The following PSMG4 variants were observed in gnomAD, a reference collection of about 807,000 sequenced individuals.
PSMG4 encodes the protein proteasome (prosome, macropain) assembly chaperone 4.
Under a neutral mutation model 11.0 loss-of-function variants are expected in PSMG4, and 10 were observed. The observed-to-expected ratio is 0.91, with a 90% CI of 0.56 to 1.54. The LOEUF (loss-of-function observed/expected upper bound fraction) is 1.54, where lower values mean the gene tolerates loss of function less well. PSMG4 is among the 40% of genes most tolerant of loss of function. PSMG4 has a pLI of 0.00. For missense variants in PSMG4, 198 were observed against 160.9 expected (o/e 1.23, Z -1.25); for synonymous variants, 95 against 71.3 (o/e 1.33, Z -1.68).
rs565531956 is a variant in PSMG4, at chr6:3,261,382, C to G, written c.174+2186C>G. Among the ~76,000 whole-genome samples the G allele has an allele frequency of 2.6e-5, 4 of 152,168 alleles. No homozygotes were observed. The South Asian group carries it at 8.3e-4, about 32-fold the overall frequency. ...TCTCTTTATCCCAAGGCATAGTGGGCAGGGCTTTGGGCACTGGTCAGATCT... is the reference window on the plus strand; with the variant it reads ...TCTCTTTATCCCAAGGCATAGTGGGGAGGGCTTTGGGCACTGGTCAGATCT... On this transcript the variant is annotated intron_variant, in intron 1 of 2. Transcript: ENST00000438998.
At position 3,267,782 on chromosome 6, in the gene PSMG4, G is replaced by C; in HGVS notation, c.*70G>C. 1.4e-6 allele frequency: 2 copies of C among 1,475,290 alleles called. No individual in the cohort carries two copies. Among genetic ancestry groups the C allele is most frequent in the Admixed American group, 4.2e-5 (2 of 48,062 alleles). The allele number at this position is 1,475,290 out of a possible 1,614,324, so 91.4% of individuals were successfully genotyped here. ...GTGTAAATAAATGGATTGAATTTCA[G>C]TTTGTCATCAGGCCGCGCTCCCGTT... On this transcript the variant is annotated 3_prime_UTR_variant, in exon 3 of 3. Coordinates refer to ENST00000438998, the MANE Select transcript of PSMG4 (RefSeq NM_001128591.2).
chr6:3,265,813 C>T (rs967315695), intron 2 of PSMG4: 2 of 152,216 alleles, frequency 1.3e-5, no homozygotes, highest in African/African-American at 2.4e-5. Context: ...CGGGGGCACA[C>T]TGCACCCAGC....
intron 1 of PSMG4, 134 bp downstream of exon 1, chr6:3,259,330 TG>T: frequency 1.2e-6 from 1 of 857,130 alleles, no homozygotes; most frequent in Non-Finnish European, 1.5e-6. Flanking sequence ...ACCCGTGGGA[TG>T]TCTTAGGAAG....
chr6:3,267,709 C>A lies in PSMG4; in HGVS notation c.369C>A (p.Phe123Leu), dbSNP rs571551333. ...AGATGGAGGCTTTCCCCGAAAAGTT[C>A]TAGCTGAGTGGCAGAAGTGAGAATT... ...KEEMEAFPEK[F>L] is the part of the protein sequence containing the mutation. The change falls in exon 3 of 3, where the codon TTC (phenylalanine) becomes TTA (leucine). Residue 123 changes from phenylalanine (F) to leucine (L), a missense_variant. By Grantham distance (22) the Phe-to-Leu change is conservative (BLOSUM62 0). Coordinates refer to ENST00000438998, the MANE Select transcript of PSMG4 (RefSeq NM_001128591.2). 1.9e-6 allele frequency: 3 copies of A among 1,551,940 alleles called. No individual in the cohort carries two copies. The highest frequency in any genetic ancestry group is 1.4e-5 in the African/African-American group (1 of 73,158).
At chr6:3,254,450 G>GT (rs1561835615), upstream of PSMG4, among the ~76,000 whole-genome samples, 83 of 67,996 alleles carry the variant, frequency 1.2e-3, no homozygotes, top group African/African-American at 2.5e-3. Flanking sequence ...ATAGTTTTCT[G>GT]CTTTTTTTGT....
intron 1 of PSMG4, 109 bp downstream of exon 1, chr6:3,259,305 A>C: frequency 3.9e-6 from 4 of 1,022,496 alleles, no homozygotes; most frequent in Non-Finnish European, 5.0e-6. Flanking sequence ...AGGGCGCCCT[A>C]CTCCCCCGAA....
At chr6:3,257,634 C>G (rs554983665), upstream of PSMG4, among the ~76,000 whole-genome samples, 3 of 152,202 alleles carry the variant, frequency 2.0e-5, no homozygotes, top group East Asian at 5.8e-4. Flanking sequence ...AGGAAAGAAG[C>G]TGGACAAAAA....
At chr6:3,260,350 G>A (rs990633810) in intron 1 of PSMG4, among the ~76,000 whole-genome samples, 11 of 142,672 alleles carry the variant, frequency 7.7e-5, no homozygotes, top group Admixed American at 5.1e-4. Flanking sequence ...GGAGTGCAAT[G>A]GCGTGATCTT....
At position 3,258,947 on chromosome 6, in the gene PSMG4, G is replaced by T. The variant is rs1757855056; in HGVS notation, c.-76G>T. On this transcript the variant is annotated 5_prime_UTR_variant, in exon 1 of 3. Transcript: ENST00000438998. ...AAGCGCGCTCGGTCTCTCGGTGCTC[G>T]CTCCATCGGGTCTGGCGGGGCTGGC... The T allele has an allele frequency of 2.5e-6, 3 of 1,208,818 alleles. No homozygotes were observed. Among genetic ancestry groups the T allele is most frequent in the Non-Finnish European group, 2.1e-6 (2 of 965,448 alleles). 74.9% of individuals were successfully genotyped at this position (1,208,818 alleles called of 1,614,324 possible).
intron 2 of PSMG4, chr6:3,264,119 C>G (rs573776719): frequency 2.0e-6 from 3 of 1,521,718 alleles, no homozygotes; most frequent in Non-Finnish European, 2.7e-6. Context: ...AGGTAGCCTC[C>G]CGGGCCTTAG....
upstream of PSMG4, among the ~76,000 whole-genome samples, chr6:3,254,451 CTTT>C (rs5873867): frequency 2.6e-5 from 4 of 151,712 alleles, no homozygotes; most frequent in African/African-American, 9.7e-5. Flanking sequence ...TAGTTTTCTG[CTTT>C]TTTTGTGTGT....
upstream of PSMG4, chr6:3,255,320 A>G: frequency 1.3e-6 from 2 of 1,499,900 alleles, no homozygotes; most frequent in Non-Finnish European, 1.8e-6. Context: ...GATGAGGCTA[A>G]CGGCAACTGG....
At chr6:3,265,755 C>G (rs1014222636) in intron 2 of PSMG4, 7 of 152,144 alleles carry the variant, frequency 4.6e-5, no homozygotes, top group Non-Finnish European at 1.0e-4. Flanking sequence ...AAGAGGCTTC[C>G]TCACTCCCCG....
At chr6:3,258,845 C>T (rs1281444655), upstream of PSMG4, 1 of 527,092 alleles carries the variant, frequency 1.9e-6, no homozygotes, top group Non-Finnish European at 2.9e-6. Flanking sequence ...CCGCCTCGAC[C>T]ACGCCCCCAA....
chr6:3,267,544 CT>C, intron 2 of PSMG4, 46 bp from the exon 3 acceptor site: 1 of 1,544,228 alleles, frequency 6.5e-7, no homozygotes, highest in Non-Finnish European at 8.8e-7. Context: ...AACACGGGGC[CT>C]GCAGTATTTC....
chr6:3,254,561 G>A (rs150381138), upstream of PSMG4, among the ~76,000 whole-genome samples: 5 of 152,068 alleles, frequency 3.3e-5, no homozygotes, highest in Non-Finnish European at 7.4e-5. Flanking sequence ...TTGTTCTCGG[G>A]GTTTGTGAGG....
chr6:3,263,859 T>C, intron 2 of PSMG4, 100 bp downstream of exon 2: 1 of 1,493,364 alleles, frequency 6.7e-7, no homozygotes, highest in Non-Finnish European at 9.0e-7. Flanking sequence ...ATCTTTATGC[T>C]AAGAACCATC....
chr6:3,254,727 A>AT (rs1288679195), upstream of PSMG4, among the ~76,000 whole-genome samples: 1 of 152,090 alleles, frequency 6.6e-6, no homozygotes, highest in Non-Finnish European at 1.5e-5. Context: ...ACCAGAAAAA[A>AT]CAAACTCCCC....
upstream of PSMG4, chr6:3,255,058 C>G: frequency 6.4e-7 from 1 of 1,550,626 alleles, no homozygotes; most frequent in Non-Finnish European, 8.7e-7. Context: ...CAGGAACAAA[C>G]ACACTTGGAA....
Sources: allele counts gnomAD v4.1 joint callset (sites outside exome capture counted in the v4.1 genomes callset), GRCh38; gene constraint gnomAD v4.1.1; transcripts MANE v1.5; gene names NCBI Gene and HGNC (gene_info 2026-07-23, HGNC 2026-07-21).